The following SHQ1 variants were observed in gnomAD, a reference collection of about 807,000 sequenced individuals.
SHQ1 encodes protein SHQ1 homolog.
A neutral mutation model predicts 53.8 loss-of-function variants in SHQ1; 49 were observed. That is an observed-to-expected ratio of 0.91 (90% CI 0.72 to 1.16). The LOEUF (loss-of-function observed/expected upper bound fraction) is 1.16. SHQ1 is among the 50% of genes most tolerant of loss of function. The pLI is 0.00. For synonymous variants in SHQ1, 243 were observed against 251.0 expected, an observed-to-expected ratio of 0.97 and a Z score of 0.30; for missense variants, 738 against 683.1, an observed-to-expected ratio of 1.08 and a Z score of -0.90.
At chr3:72,751,535 T>TATATATACACAC (rs1444853961) in intron 10 of SHQ1, among the ~76,000 whole-genome samples, 4 of 139,926 alleles carry the variant, frequency 2.9e-5, no homozygotes, top group Non-Finnish European at 4.5e-5. Context: ...TATATACATA[T>TATATATACACAC]ACATACACTA....
chr3:72,789,618 C>T (rs750203248), intron 10 of SHQ1, among the ~76,000 whole-genome samples: 2 of 152,176 alleles, frequency 1.3e-5, no homozygotes, highest in South Asian at 2.1e-4. Context: ...AAATGAAAAA[C>T]GTTCCTTTAA....
chr3:72,800,313 G>A (rs1001220340), intron 9 of SHQ1, among the ~76,000 whole-genome samples: 3 of 152,132 alleles, frequency 2.0e-5, no homozygotes, highest in Non-Finnish European at 2.9e-5. Context: ...ACAGCAGCAC[G>A]AAACAGACGT....
At chr3:72,838,955 A>G (rs1708078716) in intron 4 of SHQ1, among the ~76,000 whole-genome samples, 2 of 152,178 alleles carry the variant, frequency 1.3e-5, no homozygotes. Context: ...GCAGCTTAAA[A>G]AAAAAAAAAA....
the SHQ1 span, among the ~76,000 whole-genome samples, chr3:72,738,969 C>T: frequency 2.0e-5 from 3 of 152,184 alleles, no homozygotes; most frequent in Admixed American, 6.5e-5. Context: ...TGCGCGGCTC[C>T]GGGGAGAGCT....
intron 6 of SHQ1, among the ~76,000 whole-genome samples, chr3:72,822,912 G>C (rs895777607): frequency 4.9e-4 from 75 of 152,128 alleles, no homozygotes; most frequent in African/African-American, 1.8e-3. Context: ...CACTTTGGGA[G>C]GCCGAGGCTG....
intron 4 of SHQ1, among the ~76,000 whole-genome samples, chr3:72,834,143 C>T (rs1176329940): frequency 6.6e-6 from 1 of 152,226 alleles, no homozygotes; most frequent in East Asian, 1.9e-4. Flanking sequence ...TCTCTCATCC[C>T]TATCACAATC....
chr3:72,750,575 T>C lies in SHQ1; in HGVS notation c.1443A>G (p.Lys481=). The change falls in exon 11 of 11, where the codon AAA becomes AAG. Residue 481 remains lysine (K), a synonymous_variant. Coordinates refer to ENST00000325599, the MANE Select transcript of SHQ1 (RefSeq NM_018130.3). ...AACTGACTGTCTCAGATGGACTATC[T>C]TTGAGTTCATCTTGTTCTGAATCTG... is the stretch of plus-strand genomic sequence containing the variant. ...SGSDSEQDEL[K]DSPSETVSSL... is the part of the protein sequence containing the mutation. 6.2e-7 allele frequency: 1 copy of C among 1,614,242 alleles called. No homozygotes were observed.
the SHQ1 span, among the ~76,000 whole-genome samples, chr3:72,740,360 CA>C: frequency 2.6e-5 from 4 of 152,162 alleles, no homozygotes; most frequent in Non-Finnish European, 5.9e-5. Flanking sequence ...TGCTGGCAGC[CA>C]TCTTGAGACA....
chr3:72,827,028 G>A (rs748323158), intron 5 of SHQ1, among the ~76,000 whole-genome samples: 12 of 152,316 alleles, frequency 7.9e-5, no homozygotes, highest in Non-Finnish European at 1.3e-4. Flanking sequence ...GAGAGTGGCA[G>A]TGGACATGGA....
At chr3:72,783,369 T>C (rs970874833) in intron 10 of SHQ1, among the ~76,000 whole-genome samples, 9 of 147,038 alleles carry the variant, frequency 6.1e-5, no homozygotes, top group African/African-American at 2.4e-4. Context: ...TACACTTTTT[T>C]TTTTTTTTTT....
intron 8 of SHQ1, among the ~76,000 whole-genome samples, chr3:72,813,960 T>G (rs1707221906): frequency 6.6e-6 from 1 of 151,540 alleles, no homozygotes; most frequent in African/African-American, 2.4e-5. Context: ...CTGATAACAT[T>G]AGCAATTCAA....
At chr3:72,812,601 A>G in intron 9 of SHQ1, 70 bp downstream of exon 9, 3 of 1,566,630 alleles carry the variant, frequency 1.9e-6, no homozygotes, top group East Asian at 2.3e-5. Flanking sequence ...AAAAATCATT[A>G]TTATATCTTC....
chr3:72,758,478 A>G (rs1705543195), intron 10 of SHQ1, among the ~76,000 whole-genome samples: 2 of 152,136 alleles, frequency 1.3e-5, no homozygotes, highest in Non-Finnish European at 2.9e-5. Flanking sequence ...TTAGTTTCCT[A>G]AGGCTGCCAT....
chr3:72,769,582 A>G (rs2106735935), intron 10 of SHQ1, among the ~76,000 whole-genome samples: 1 of 152,218 alleles, frequency 6.6e-6, no homozygotes, highest in Admixed American at 6.5e-5. Flanking sequence ...GCCTGGTCAG[A>G]TCCCACCCAT....
intron 5 of SHQ1, among the ~76,000 whole-genome samples, chr3:72,831,285 C>T (rs1707810886): frequency 6.6e-6 from 1 of 152,206 alleles, no homozygotes; most frequent in Non-Finnish European, 1.5e-5. Flanking sequence ...ATATCCCTGC[C>T]ATTCCAATTA....
At chr3:72,755,324 T>G (rs918490384) in intron 10 of SHQ1, among the ~76,000 whole-genome samples, 1 of 152,044 alleles carries the variant, frequency 6.6e-6, no homozygotes, top group Non-Finnish European at 1.5e-5. Context: ...GATAGATAGA[T>G]AGACAGATAA....
At chr3:72,787,117 G>A (rs189077590) in intron 10 of SHQ1, among the ~76,000 whole-genome samples, 10 of 152,294 alleles carry the variant, frequency 6.6e-5, no homozygotes, top group Non-Finnish European at 2.9e-5. Context: ...CTTATGAAAT[G>A]ACAGATAACT....
At chr3:72,823,075 G>T (rs1425918306) in intron 6 of SHQ1, among the ~76,000 whole-genome samples, 5 of 151,450 alleles carry the variant, frequency 3.3e-5, no homozygotes, top group Admixed American at 3.3e-4. Flanking sequence ...CGTGAAACCG[G>T]GAGGCAGAGC....
In SHQ1 at chr3:72,797,331, T is replaced by G. The variant is rs562698714; in HGVS notation, c.1061-4295A>C. ...ATACCCAAATGATATTAACAGTATC[T>G]GTCTCTACATCCACTGAGCAAATAT... On this transcript the variant is annotated intron_variant, in intron 9 of 10. Coordinates refer to ENST00000325599, the MANE Select transcript of SHQ1 (RefSeq NM_018130.3). Among the ~76,000 whole-genome samples, 24 of 152,306 alleles carry G rather than the reference T, an allele frequency of 1.6e-4. No individual in the cohort carries two copies. The South Asian group carries it at 4.6e-3, about 29-fold the overall frequency.
Sources: gnomAD v4.1 joint callset for allele counts (sites outside exome capture counted in the v4.1 genomes callset) on GRCh38, gnomAD v4.1.1 for gene constraint, MANE v1.5 for transcripts, NCBI Gene and HGNC (gene_info 2026-07-23, HGNC 2026-07-21) for gene names.